Variants in ANK3 observed in about 807,000 individuals in gnomAD.
ANK3 encodes ankyrin 3, also known as ankyrin-3.
In ANK3, 57 loss-of-function variants were observed where a neutral mutation model predicts 370.9. The ratio of observed to expected loss-of-function variants is 0.15; its 90% CI spans 0.12 to 0.19. The LOEUF (loss-of-function observed/expected upper bound fraction) is 0.19. ANK3 is among the 10% of genes least tolerant of loss of function. The pLI is 1.00. For missense variants in ANK3, 4,439 were observed against 5,302.1 expected, an observed-to-expected ratio of 0.84 and a Z score of 5.06; for synonymous variants, 1,929 against 1,946.3, an observed-to-expected ratio of 0.99 and a Z score of 0.23.
intron 42 of ANK3, among the ~76,000 whole-genome samples, chr10:60,049,136 T>G (rs547581755): frequency 3.3e-5 from 5 of 152,346 alleles, no homozygotes; most frequent in Non-Finnish European, 7.4e-5. Flanking sequence ...CCAATGATGA[T>G]TATAACTATT....
At chr10:60,355,375 C>T (rs2199213) in intron 1 of ANK3, among the ~76,000 whole-genome samples, 1 of 151,456 alleles carries the variant, frequency 6.6e-6, no homozygotes, top group African/African-American at 2.4e-5. Flanking sequence ...TTTTTTAAAC[C>T]TAAGTTTAGC....
At chr10:60,707,151 C>A (rs913565223) in intron 1 of ANK3, among the ~76,000 whole-genome samples, 1 of 152,066 alleles carries the variant, frequency 6.6e-6, no homozygotes, top group African/African-American at 2.4e-5. Context: ...ATCTTATAGT[C>A]AAAAATCACT....
Position 60,303,876 on chromosome 10 carries a change from ATGTG to A in ANK3, c.115-24241_115-24238del, listed in dbSNP as rs71015783. On this transcript the variant is annotated intron_variant, in intron 1 of 43. Coordinates refer to ENST00000280772, the MANE Select transcript of ANK3 (RefSeq NM_020987.5). ...CTAATGAATAAAATGTGGTGTATAT[ATGTG>A]TGTGTGTGTGTGTGTGTGTGTGTGT... 7.4e-3 allele frequency among the ~76,000 whole-genome samples: 1,096 copies of A among 147,518 alleles called. 9 individuals carry two copies. The highest frequency in any genetic ancestry group is 0.021 in the Middle Eastern group (6 of 286).
intron 25 of ANK3, among the ~76,000 whole-genome samples, chr10:60,131,355 G>C (rs2094057130): frequency 6.6e-6 from 1 of 152,164 alleles, no homozygotes; most frequent in South Asian, 2.1e-4. Context: ...GTTCCACAAG[G>C]AATGCCTATG....
At chr10:60,363,788 A>G (rs2058988204) in intron 1 of ANK3, among the ~76,000 whole-genome samples, 1 of 152,228 alleles carries the variant, frequency 6.6e-6, no homozygotes, top group South Asian at 2.1e-4. Flanking sequence ...CATATCAAAA[A>G]TGAGAATGAA....
At chr10:60,348,614 A>AT (rs2056209068) in intron 1 of ANK3, among the ~76,000 whole-genome samples, 1 of 152,180 alleles carries the variant, frequency 6.6e-6, no homozygotes, top group African/African-American at 2.4e-5. Flanking sequence ...GGGTTGAAAG[A>AT]TTCATTATAG....
Position 60,070,264 on chromosome 10 carries a change from A to C in ANK3, c.10617T>G (p.Gly3539=). 1 of 1,614,012 alleles carries C rather than the reference A, an allele frequency of 6.2e-7. No individual in the cohort carries two copies. The highest frequency in any genetic ancestry group is 8.5e-7 in the Non-Finnish European group (1 of 1,180,000). ...ATPFKTVATK[G]LDFDPWSNNR... ...TATTAGACCAAGGGTCAAAATCTAG[A>C]CCTTTGGTAGCTACTGTTTTAAAAG... The change falls in exon 37 of 44, where the codon GGT becomes GGG. Residue 3539 remains glycine, a synonymous_variant. Transcript: ENST00000280772. This position sits in a 1 kb window ranked among gnomAD's most constrained non-coding sequence, Gnocchi z 5.7.
intron 1 of ANK3, among the ~76,000 whole-genome samples, chr10:60,706,086 C>T (rs2079613113): frequency 6.6e-6 from 1 of 152,060 alleles, no homozygotes; most frequent in Admixed American, 6.5e-5. Flanking sequence ...GGTGTCCCAA[C>T]GTGTTGGCAT....
chr10:60,644,149 G>C (rs1588963156), intron 1 of ANK3, among the ~76,000 whole-genome samples: 1 of 152,178 alleles, frequency 6.6e-6, no homozygotes, highest in East Asian at 1.9e-4. Context: ...TTGGAGAAGA[G>C]AGTAATGAAT....
At chr10:60,490,723 C>G (rs1274539055) in intron 2 of ANK3, among the ~76,000 whole-genome samples, 1 of 152,152 alleles carries the variant, frequency 6.6e-6, no homozygotes, top group African/African-American at 2.4e-5. Flanking sequence ...TTTATTCTAT[C>G]TTGGAAAAAA....
At chr10:60,176,203 A>C (rs553764212) in intron 18 of ANK3, among the ~76,000 whole-genome samples, 22 of 150,042 alleles carry the variant, frequency 1.5e-4, no homozygotes, top group Non-Finnish European at 2.5e-4. Flanking sequence ...AAACAAAAAA[A>C]AACAAAAAAC....
chr10:60,237,925 G>A (rs1195869856), intron 7 of ANK3, among the ~76,000 whole-genome samples: 1 of 152,182 alleles, frequency 6.6e-6, no homozygotes, highest in Non-Finnish European at 1.5e-5. Flanking sequence ...TTAAGAAACA[G>A]CTAATCAGAG....
intron 42 of ANK3, among the ~76,000 whole-genome samples, chr10:60,047,069 A>C (rs1457164853): frequency 1.3e-5 from 2 of 152,122 alleles, no homozygotes; most frequent in Admixed American, 6.5e-5. Flanking sequence ...GGGCTCCCAA[A>C]GTGCTGGGAT....
intron 43 of ANK3, among the ~76,000 whole-genome samples, chr10:60,037,964 T>C (rs1456658743): frequency 6.6e-6 from 1 of 152,238 alleles, no homozygotes; most frequent in Non-Finnish European, 1.5e-5. Flanking sequence ...CTGTTATTTT[T>C]TGAGTTTTTA....
intron 2 of ANK3, among the ~76,000 whole-genome samples, chr10:60,612,553 G>A (rs7072832): frequency 0.69 from 105,415 of 151,898 alleles, 36,882 homozygotes; most frequent in South Asian, 0.88. Flanking sequence ...GTGCAGTGGC[G>A]CGATCTCGGC....
intron 2 of ANK3, among the ~76,000 whole-genome samples, chr10:60,469,302 T>TACCACTTTTAGTGTATATATATAC (rs1555377201): frequency 3.8e-4 from 7 of 18,530 alleles, no homozygotes; most frequent in Non-Finnish European, 5.8e-4. Context: ...TATATATATA[T>TACCACTTTTAGTGTATATATATAC]ATATACCACT....
At chr10:60,467,249 C>T (rs2065031741) in intron 2 of ANK3, among the ~76,000 whole-genome samples, 1 of 152,262 alleles carries the variant, frequency 6.6e-6, no homozygotes, top group South Asian at 2.1e-4. Flanking sequence ...AACAAACTTT[C>T]ATAGGAGAAA....
chr10:60,615,879 T>C (rs2078261233), intron 1 of ANK3, among the ~76,000 whole-genome samples: 2 of 152,204 alleles, frequency 1.3e-5, no homozygotes, highest in African/African-American at 2.4e-5. Context: ...TTTTACAAAA[T>C]GCTAACTTTA....
chr10:60,215,206 G>A (rs990100317), intron 8 of ANK3, among the ~76,000 whole-genome samples: 3 of 151,614 alleles, frequency 2.0e-5, no homozygotes, highest in Non-Finnish European at 4.4e-5. Context: ...TTTTGATGGG[G>A]TTGTTTTTTT....
Sources: gnomAD v4.1 joint callset for allele counts (sites outside exome capture counted in the v4.1 genomes callset) on GRCh38, gnomAD v4.1.1 for gene constraint, Gnocchi (gnomAD v3.1) non-coding constraint, MANE v1.5 for transcripts, NCBI Gene and HGNC (gene_info 2026-07-23, HGNC 2026-07-21) for gene names.